The following MED13 variants were observed in gnomAD, a reference collection of about 807,000 sequenced individuals.
MED13 encodes mediator complex subunit 13.
In MED13, 23 loss-of-function variants were observed where a neutral mutation model predicts 225.2. That is an observed-to-expected ratio of 0.10 (90% CI 0.07 to 0.14). MED13 has a LOEUF of 0.14. Among genes scored for constraint, MED13 ranks in the 10% least tolerant of loss-of-function variants. MED13 has a pLI of 1.00. For missense variants in MED13, 2,197 were observed against 2,594.5 expected, an observed-to-expected ratio of 0.85 and a Z score of 3.33; for synonymous variants, 942 against 889.2, an observed-to-expected ratio of 1.06 and a Z score of -1.06.
At chr17:61,950,756 C>T (rs2079889908) in intron 28 of MED13, 69 bp downstream of exon 28, 2 of 1,480,774 alleles carry the variant, frequency 1.4e-6, no homozygotes, top group Non-Finnish European at 1.8e-6. Flanking sequence ...AAAAAAGCCA[C>T]TTCTATATTT....
intron 9 of MED13, among the ~76,000 whole-genome samples, chr17:61,998,596 CTTT>C (rs58261678): frequency 5.2e-5 from 6 of 115,536 alleles, no homozygotes; most frequent in Admixed American, 9.1e-5. Context: ...TTCCCACCGC[CTTT>C]TTTTTTTTTT....
intron 26 of MED13, among the ~76,000 whole-genome samples, chr17:61,954,691 C>T (rs186094470): frequency 1.6e-4 from 24 of 152,214 alleles, no homozygotes; most frequent in African/African-American, 4.3e-4. Context: ...GCACGAGCAT[C>T]GCTTGAACCC....
Position 61,987,143 on chromosome 17 carries a change from C to A in MED13, c.2264-15G>T. The A allele has an allele frequency of 1.3e-6, 2 of 1,575,898 alleles. No individual in the cohort carries two copies. The highest frequency in any genetic ancestry group is 2.3e-5 in the South Asian group (2 of 85,140). On this transcript the variant is annotated splice_polypyrimidine_tract_variant and intron_variant, in intron 11 of 29. Coordinates refer to ENST00000397786, the MANE Select transcript of MED13 (RefSeq NM_005121.3). ...GCGTGGAGCATCTACAAAAGTCAAT[C>A]AGAAAAATAAAATTAAAACTGCTAC... is the stretch of plus-strand genomic sequence containing the variant.
intron 28 of MED13, among the ~76,000 whole-genome samples, chr17:61,949,165 G>A (rs2079875955): frequency 6.6e-6 from 1 of 151,618 alleles, no homozygotes; most frequent in African/African-American, 2.4e-5. Context: ...ATATAATTCT[G>A]TATAGGGCTT....
At position 61,955,855 on chromosome 17, in the gene MED13, TAAAAAAAAAAA is replaced by T. The variant is rs61326861; in HGVS notation, c.5624-28_5624-18del. 2.8e-5 allele frequency: 23 copies of T among 815,152 alleles called. No homozygotes were observed. The highest frequency in any genetic ancestry group is 1.8e-4 in the South Asian group (4 of 21,988). The allele number at this position is 815,152 out of a possible 1,614,324, so 50.5% of individuals were successfully genotyped here. ...AGCTCCAATCTGTGGGTATCAACAG[TAAAAAAAAAAA>T]AAAAAAAAAAAAAAATCAAAGTAAC... is the stretch of plus-strand genomic sequence containing the variant. On this transcript the variant is annotated intron_variant, in intron 24 of 29. Coordinates refer to ENST00000397786, the MANE Select transcript of MED13 (RefSeq NM_005121.3).
intron 1 of MED13, 141 bp from the exon 2 acceptor site, chr17:62,063,442 A>G (rs961804531): frequency 1.7e-6 from 1 of 573,912 alleles, no homozygotes; most frequent in Non-Finnish European, 3.0e-6. Flanking sequence ...TAGAACAAAA[A>G]AAGACTTTAT....
chr17:62,032,995 C>T (rs1344044126), intron 5 of MED13, among the ~76,000 whole-genome samples: 1 of 151,954 alleles, frequency 6.6e-6, no homozygotes, highest in Non-Finnish European at 1.5e-5. Flanking sequence ...ACTAGCATTA[C>T]AAAAATTAGG....
At position 61,966,536 on chromosome 17, in the gene MED13, G is replaced by A; in HGVS notation, c.4307C>T (p.Ser1436Phe). Residue 1436 changes from serine (S) to phenylalanine (F), a missense_variant, in exon 19 of 30, where the codon TCT becomes TTT. Coordinates refer to ENST00000397786, the MANE Select transcript of MED13 (RefSeq NM_005121.3). ...TTCATTGTTACCGTCAGCTGCCTGA[G>A]AAAACCATTCTGCTACCAACTTTTC... ...LSEKLVAEWF[S>F]QAADGNNEAF... The A allele has an allele frequency of 1.2e-6, 2 of 1,613,948 alleles. No individual in the cohort carries two copies.
rs376069561 is a variant in MED13 at position 61,972,845 on chromosome 17, G to A, written c.3849C>T (p.Leu1283=). ...QCSQDILRML[L]SLQPVLQDAI... is the part of the protein sequence containing the mutation. ...CATCCTGAAGAACTGGCTGAAGAGA[G>A]AGGAGCATTCGAAGTATATCCTGTG... The change falls in exon 17 of 30, where the codon CTC becomes CTT. Residue 1283 remains leucine (L), a synonymous_variant. Transcript: ENST00000397786. The A allele has an allele frequency of 1.4e-5, 23 of 1,613,658 alleles. No individual in the cohort carries two copies. The highest frequency in any genetic ancestry group is 6.7e-5 in the East Asian group (3 of 44,868).
At position 61,984,355 on chromosome 17, in the gene MED13, C is replaced by T; in HGVS notation, c.2704G>A (p.Val902Ile). The T allele has an allele frequency of 1.9e-6, 3 of 1,562,322 alleles. No homozygotes were observed. The highest frequency in any genetic ancestry group is 2.6e-6 in the Non-Finnish European group (3 of 1,161,200). The change falls in exon 15 of 30, where the codon GTC becomes ATC. Residue 902 changes from valine to isoleucine, a missense_variant. Val to Ile is a conservative substitution (Grantham distance 29). This residue lies in a region of MED13 where 160 missense variants were observed against 184.8 expected (regional missense o/e 0.87). Transcript: ENST00000397786. ...ATTTGACAATTTTCAGGCTTATAGACATAAGAAAAATCCTACAATATAAAG... is the reference window on the plus strand; with the variant it reads ...ATTTGACAATTTTCAGGCTTATAGATATAAGAAAAATCCTACAATATAAAG... ...KPSEIKDFSY[V>I]YKPENCQILV...
intron 9 of MED13, among the ~76,000 whole-genome samples, chr17:61,998,754 C>T (rs2080367966): frequency 6.6e-6 from 1 of 151,634 alleles, no homozygotes; most frequent in African/African-American, 2.4e-5. Context: ...TGTGTACCAC[C>T]ACACTTGGCT....
chr17:61,993,418 T>C (rs536271382), intron 10 of MED13, among the ~76,000 whole-genome samples: 80 of 149,752 alleles, frequency 5.3e-4, no homozygotes, highest in African/African-American at 1.9e-3. Flanking sequence ...GCCAGGCTGA[T>C]CTCGCTCTCC....
At position 61,947,000 on chromosome 17, in the gene MED13, G is replaced by T; in HGVS notation, c.6309C>A (p.His2103Gln). The T allele has an allele frequency of 6.2e-7, 1 of 1,613,936 alleles. No homozygotes were observed. Among genetic ancestry groups the T allele is most frequent in the Non-Finnish European group, 8.5e-7 (1 of 1,179,850 alleles). The change falls in exon 29 of 30, where the codon CAC becomes CAA. Residue 2103 changes from histidine (H) to glutamine (Q), a missense_variant. By Grantham distance (24) the His-to-Gln change is conservative (BLOSUM62 0). Around this residue, in one of 12 missense-constraint regions of MED13, gnomAD observed 216 missense variants for 388.9 expected, o/e 0.56. Transcript: ENST00000397786. ...PLFLKASLHL[H>Q]VPSVQSDELL... ...GCTCGTCAGATTGCACTGAAGGCACGTGGAGGTGCAAAGAGGCCTAAGAAG... is the reference window on the plus strand; with the variant it reads ...GCTCGTCAGATTGCACTGAAGGCACTTGGAGGTGCAAAGAGGCCTAAGAAG...
intron 8 of MED13, among the ~76,000 whole-genome samples, chr17:62,017,824 ATAGG>A (rs2080597790): frequency 6.6e-6 from 1 of 152,252 alleles, no homozygotes. Flanking sequence ...GTATAAAGAA[ATAGG>A]TAGTGCATAT....
rs143989721 is a variant in MED13 at position 61,943,851 on chromosome 17, A to C, written c.*2617T>G. 174 of 152,732 alleles carry C rather than the reference A, an allele frequency of 1.1e-3. No homozygotes were observed. The highest frequency in any genetic ancestry group is 4.0e-3 in the African/African-American group (165 of 41,590). 9.5% of individuals were successfully genotyped at this position (152,732 alleles called of 1,614,324 possible). A position where few individuals can be genotyped will look rare whatever the true frequency, so the allele number is the denominator to read the frequency against. On this transcript the variant is annotated 3_prime_UTR_variant, in exon 30 of 30. Transcript: ENST00000397786. ...AATAATCATGGATACCTGCACAAAA[A>C]AAAAGATGTTAGCACTGTAACAAAG... is the stretch of plus-strand genomic sequence containing the variant.
At chr17:61,965,712 T>TGA (rs2080052056) in intron 19 of MED13, among the ~76,000 whole-genome samples, 1 of 152,196 alleles carries the variant, frequency 6.6e-6, no homozygotes, top group Admixed American at 6.5e-5. Flanking sequence ...ATGATTACTA[T>TGA]GAAAGTGTAA....
At chr17:61,974,462 T>C (rs1257724261) in intron 16 of MED13, among the ~76,000 whole-genome samples, 1 of 152,140 alleles carries the variant, frequency 6.6e-6, no homozygotes, top group Admixed American at 6.6e-5. Context: ...CTATGCTTAT[T>C]ACCTGCATGA....
chr17:62,042,233 C>T (rs2080858366), intron 3 of MED13, among the ~76,000 whole-genome samples: 1 of 152,132 alleles, frequency 6.6e-6, no homozygotes, highest in Non-Finnish European at 1.5e-5. Flanking sequence ...TTTCTGCTCA[C>T]TCAGTGAACA....
Position 61,945,055 on chromosome 17 carries a change from T to C in MED13, c.*1413A>G, listed in dbSNP as rs2079841972. Reference sequence around the variant, plus strand: ...ATGCCCTACCTTAATCTGAGCTGTGTTATAGAAAAGTACAGACTCTGGTGT... The same window carrying C: ...ATGCCCTACCTTAATCTGAGCTGTGCTATAGAAAAGTACAGACTCTGGTGT... On this transcript the variant is annotated 3_prime_UTR_variant, in exon 30 of 30. Transcript: ENST00000397786. 1 of 152,604 alleles carries C rather than the reference T, an allele frequency of 6.6e-6. No homozygotes were observed. The highest frequency in any genetic ancestry group is 2.4e-5 in the African/African-American group (1 of 41,444). 9.5% of individuals were successfully genotyped at this position (152,604 alleles called of 1,614,324 possible).
Sources: allele counts gnomAD v4.1 joint callset (sites outside exome capture counted in the v4.1 genomes callset), GRCh38; gene constraint gnomAD v4.1.1; regional missense constraint gnomAD v4.1.1; transcripts MANE v1.5; gene names NCBI Gene and HGNC (gene_info 2026-07-23, HGNC 2026-07-21).